ERBB4: variants seen among roughly 807,000 people sequenced by gnomAD.
The protein encoded by ERBB4 is receptor tyrosine-protein kinase erbB-4.
A neutral mutation model predicts 158.0 loss-of-function variants in ERBB4; 42 were observed. The observed-to-expected ratio is 0.27, with a 90% CI of 0.21 to 0.34. The LOEUF (loss-of-function observed/expected upper bound fraction) is 0.34. Ranked by LOEUF, ERBB4 falls within the 10% of genes least tolerant of loss-of-function variation. ERBB4 has a pLI of 1.00. For synonymous variants in ERBB4, 583 were observed against 558.7 expected (o/e 1.04, Z -0.61); for missense variants, 1,333 against 1,624.1 (o/e 0.82, Z 3.08).
At chr2:212,280,331 G>A (rs1372545678) in intron 1 of ERBB4, among the ~76,000 whole-genome samples, 2 of 151,474 alleles carry the variant, frequency 1.3e-5, no homozygotes, top group African/African-American at 4.8e-5. Context: ...TAATTTATCT[G>A]TCAATGCCTT....
At chr2:211,864,875 G>C (rs1329875700) in intron 3 of ERBB4, among the ~76,000 whole-genome samples, 2 of 152,120 alleles carry the variant, frequency 1.3e-5, no homozygotes, top group Non-Finnish European at 2.9e-5. Flanking sequence ...GCTGAGCGTG[G>C]TGGTGGGTGC....
intron 1 of ERBB4, among the ~76,000 whole-genome samples, chr2:212,447,609 T>G (rs2092381113): frequency 1.3e-5 from 2 of 152,288 alleles, no homozygotes; most frequent in South Asian, 4.1e-4. Context: ...AGTTTTCAAA[T>G]AAGTAATCAA....
intron 1 of ERBB4, among the ~76,000 whole-genome samples, chr2:212,221,427 C>T (rs762735457): frequency 1.9e-4 from 29 of 151,524 alleles, no homozygotes; most frequent in Non-Finnish European, 3.7e-4. Flanking sequence ...GAGACCCACA[C>T]ATAAGGTATA....
At chr2:211,494,867 GA>G (rs1321969555) in intron 20 of ERBB4, among the ~76,000 whole-genome samples, 4 of 152,066 alleles carry the variant, frequency 2.6e-5, no homozygotes, top group African/African-American at 9.7e-5. Context: ...ATTGTTTTAG[GA>G]AACGAACTGT....
chr2:211,827,461 C>T (rs2077126719), intron 3 of ERBB4, among the ~76,000 whole-genome samples: 1 of 151,966 alleles, frequency 6.6e-6, no homozygotes, highest in African/African-American at 2.4e-5. Context: ...TTTAGTTTGA[C>T]ATTTTGGGTG....
intron 1 of ERBB4, among the ~76,000 whole-genome samples, chr2:212,135,387 T>G (rs1013027922): frequency 5.9e-5 from 9 of 152,204 alleles, no homozygotes; most frequent in African/African-American, 1.7e-4. Context: ...TTGTAAATTT[T>G]TGTACTTTGT....
At chr2:211,749,859 T>C (rs1278263844) in intron 5 of ERBB4, among the ~76,000 whole-genome samples, 3 of 152,186 alleles carry the variant, frequency 2.0e-5, no homozygotes, top group Admixed American at 2.0e-4. Context: ...TTTTTCCATA[T>C]CATATTTCAG....
intron 1 of ERBB4, among the ~76,000 whole-genome samples, chr2:212,501,701 A>G (rs995852225): frequency 6.6e-6 from 1 of 152,196 alleles, no homozygotes; most frequent in Non-Finnish European, 1.5e-5. Flanking sequence ...GCCCACTGCA[A>G]TGAAAAGGTT....
At chr2:212,231,674 A>C (rs2083670604) in intron 1 of ERBB4, among the ~76,000 whole-genome samples, 1 of 152,224 alleles carries the variant, frequency 6.6e-6, no homozygotes, top group Admixed American at 6.5e-5. Context: ...TATGACAAAA[A>C]TTAGGATAGA....
chr2:211,708,525 C>T (rs768445073), intron 9 of ERBB4, among the ~76,000 whole-genome samples: 1 of 151,972 alleles, frequency 6.6e-6, no homozygotes, highest in Non-Finnish European at 1.5e-5. Flanking sequence ...ATAAACTAGA[C>T]ATAGGCACTG....
At chr2:212,068,526 T>C (rs1190348639) in intron 2 of ERBB4, among the ~76,000 whole-genome samples, 1 of 152,028 alleles carries the variant, frequency 6.6e-6, no homozygotes, top group African/African-American at 2.4e-5. Flanking sequence ...AATCTTCAGT[T>C]GGCATAATAA....
intron 1 of ERBB4, among the ~76,000 whole-genome samples, chr2:212,290,295 C>T (rs538120546): frequency 1.3e-5 from 2 of 152,224 alleles, no homozygotes; most frequent in South Asian, 2.1e-4. Context: ...TGACCAGTAT[C>T]GTTCCAACGA....
chr2:212,044,802 G>A (rs1429523321), intron 2 of ERBB4, among the ~76,000 whole-genome samples: 1 of 151,972 alleles, frequency 6.6e-6, no homozygotes, highest in African/African-American at 2.4e-5. Context: ...CATAGAAAAA[G>A]GAACCATAAA....
intron 3 of ERBB4, among the ~76,000 whole-genome samples, chr2:211,918,963 T>C (rs894772014): frequency 2.0e-5 from 3 of 152,148 alleles, no homozygotes; most frequent in Non-Finnish European, 4.4e-5. Context: ...CTAACTGATA[T>C]ACTAACTGCT....
At chr2:211,943,880 G>A (rs766892716) in intron 3 of ERBB4, among the ~76,000 whole-genome samples, 15 of 151,668 alleles carry the variant, frequency 9.9e-5, no homozygotes, top group African/African-American at 2.4e-4. Context: ...TTTAATGTGC[G>A]AATTAATCTG....
intron 1 of ERBB4, among the ~76,000 whole-genome samples, chr2:212,178,688 T>G (rs1360533104): frequency 6.6e-6 from 1 of 151,702 alleles, no homozygotes; most frequent in South Asian, 2.1e-4. Context: ...ACCACTAAAC[T>G]TTAAACTTTC....
chr2:211,956,821 A>G (rs1172108889), intron 2 of ERBB4, among the ~76,000 whole-genome samples: 1 of 152,038 alleles, frequency 6.6e-6, no homozygotes. Context: ...TCCCTAAAAT[A>G]AATTTATTCA....
chr2:211,616,165 T>C (rs1208494643), intron 19 of ERBB4, among the ~76,000 whole-genome samples: 1 of 151,998 alleles, frequency 6.6e-6, no homozygotes, highest in African/African-American at 2.4e-5. Flanking sequence ...GGGGGTGAAG[T>C]GTGGCTCTTT....
chr2:212,039,145 C>T (rs144730546), intron 2 of ERBB4, among the ~76,000 whole-genome samples: 42 of 152,074 alleles, frequency 2.8e-4, no homozygotes, highest in Non-Finnish European at 5.3e-4. Flanking sequence ...TTTGGAGGGC[C>T]TGAAAATGAA....
Sources: gnomAD v4.1 joint callset for allele counts (sites outside exome capture counted in the v4.1 genomes callset) on GRCh38, gnomAD v4.1.1 for gene constraint, MANE v1.5 for transcripts, NCBI Gene and HGNC (gene_info 2026-07-23, HGNC 2026-07-21) for gene names.